The following ERC2 variants were observed in gnomAD, a reference collection of about 807,000 sequenced individuals.
ERC2 encodes ERC protein 2.
A neutral mutation model predicts 114.8 loss-of-function variants in ERC2; 42 were observed. That is an observed-to-expected ratio of 0.37 (90% CI 0.29 to 0.47). The LOEUF (loss-of-function observed/expected upper bound fraction) is 0.47, where lower values mean the gene tolerates loss of function less well. ERC2 is among the 20% of genes least tolerant of loss of function. The pLI is 0.99. For synonymous variants in ERC2, 454 were observed against 425.5 expected, an observed-to-expected ratio of 1.07 and a Z score of -0.82; for missense variants, 939 against 1,150.7, an observed-to-expected ratio of 0.82 and a Z score of 2.66.
At chr3:56,225,705 T>C (rs966564535) in intron 3 of ERC2, among the ~76,000 whole-genome samples, 1 of 152,196 alleles carries the variant, frequency 6.6e-6, no homozygotes, top group Non-Finnish European at 1.5e-5. Flanking sequence ...TTCTCCCTCA[T>C]TACAACAAGT....
intron 14 of ERC2, among the ~76,000 whole-genome samples, chr3:55,737,998 T>A (rs1300825698): frequency 6.6e-6 from 1 of 152,172 alleles, no homozygotes; most frequent in African/African-American, 2.4e-5. Flanking sequence ...AATGACTACA[T>A]GTATGTGTTC....
intron 15 of ERC2, among the ~76,000 whole-genome samples, chr3:55,714,665 G>GTATATATATA (rs2063987436): frequency 5.5e-5 from 2 of 36,676 alleles, no homozygotes; most frequent in Non-Finnish European, 1.1e-4. Flanking sequence ...GTGTGTGTGT[G>GTATATATATA]TGTATATATA....
At chr3:55,748,079 G>A (rs1488048274) in intron 14 of ERC2, among the ~76,000 whole-genome samples, 2 of 152,140 alleles carry the variant, frequency 1.3e-5, no homozygotes, top group Non-Finnish European at 2.9e-5. Context: ...GGAAAGAATC[G>A]CAAGGGAGCC....
At chr3:55,949,756 G>A (rs1448968447) in intron 13 of ERC2, among the ~76,000 whole-genome samples, 1 of 152,134 alleles carries the variant, frequency 6.6e-6, no homozygotes, top group Non-Finnish European at 1.5e-5. Flanking sequence ...CTGTTTAAAG[G>A]CACACTGGAA....
intron 12 of ERC2, among the ~76,000 whole-genome samples, chr3:55,977,390 GTA>G (rs2069680470): frequency 9.9e-6 from 1 of 101,082 alleles, no homozygotes; most frequent in African/African-American, 4.0e-5. Context: ...AAAGACAAAC[GTA>G]TCATTTTCCT....
chr3:56,250,974 A>C (rs1424517362), intron 3 of ERC2, among the ~76,000 whole-genome samples: 1 of 152,224 alleles, frequency 6.6e-6, no homozygotes, highest in African/African-American at 2.4e-5. Flanking sequence ...TCAAAAATTT[A>C]CTAGAACATG....
intron 14 of ERC2, among the ~76,000 whole-genome samples, chr3:55,784,125 A>T (rs967409558): frequency 7.2e-5 from 11 of 152,092 alleles, no homozygotes; most frequent in African/African-American, 2.7e-4. Context: ...CTCACAGTTT[A>T]CTTATGTAAA....
At chr3:56,354,046 A>G (rs2058653668) in intron 2 of ERC2, among the ~76,000 whole-genome samples, 2 of 152,194 alleles carry the variant, frequency 1.3e-5, no homozygotes, top group Non-Finnish European at 2.9e-5. Flanking sequence ...GCCTGACTCC[A>G]GAGCCCACAC....
intron 7 of ERC2, among the ~76,000 whole-genome samples, chr3:56,079,370 C>T (rs985837428): frequency 1.3e-5 from 2 of 152,090 alleles, no homozygotes; most frequent in Non-Finnish European, 2.9e-5. Flanking sequence ...ATGGGCAGCA[C>T]GGGTTCAGAA....
chr3:55,738,505 A>C (rs2148932582), intron 14 of ERC2, among the ~76,000 whole-genome samples: 1 of 152,236 alleles, frequency 6.6e-6, no homozygotes, highest in South Asian at 2.1e-4. Flanking sequence ...TCATTTTCCC[A>C]CCCAGGCTAT....
rs555378213 is a variant in ERC2 at position 55,590,070 on chromosome 3, T to C, written c.*40-78794A>G. 2.6e-5 allele frequency among the ~76,000 whole-genome samples: 4 copies of C among 152,302 alleles called. No individual in the cohort carries two copies. In the East Asian group the frequency reaches 7.7e-4, roughly 29 times the overall value. Reference sequence around the variant, plus strand: ...CTAATTATAAAAATAAGACAATACATTTTTTTGAAGGTGGCAACGTCACTC... The same window carrying C: ...CTAATTATAAAAATAAGACAATACACTTTTTTGAAGGTGGCAACGTCACTC... On this transcript the variant is annotated intron_variant, in intron 17 of 17. Transcript: ENST00000288221.
At chr3:56,286,701 T>C (rs1358196260) in intron 3 of ERC2, among the ~76,000 whole-genome samples, 1 of 152,116 alleles carries the variant, frequency 6.6e-6, no homozygotes. Flanking sequence ...ACTATATACG[T>C]ACTTACGTAA....
At chr3:56,407,854 G>C (rs969052100) in intron 2 of ERC2, among the ~76,000 whole-genome samples, 1 of 152,020 alleles carries the variant, frequency 6.6e-6, no homozygotes, top group Non-Finnish European at 1.5e-5. Context: ...CATACTGCCC[G>C]TCACTTCAGA....
intron 2 of ERC2, among the ~76,000 whole-genome samples, chr3:56,306,147 C>A (rs1399923840): frequency 2.0e-5 from 3 of 152,128 alleles, no homozygotes; most frequent in Non-Finnish European, 4.4e-5. Flanking sequence ...CGGCTCCCAG[C>A]CTTATATATT....
At chr3:55,805,614 T>A (rs1277088802) in intron 14 of ERC2, among the ~76,000 whole-genome samples, 1 of 151,876 alleles carries the variant, frequency 6.6e-6, no homozygotes, top group Non-Finnish European at 1.5e-5. Flanking sequence ...ATTGTGACAT[T>A]TGTCACAGGT....
chr3:55,709,930 G>C (rs938225213), intron 15 of ERC2, among the ~76,000 whole-genome samples: 1 of 152,166 alleles, frequency 6.6e-6, no homozygotes, highest in Admixed American at 6.5e-5. Flanking sequence ...CTGGTCTCAC[G>C]CTTGGGTGAG....
intron 17 of ERC2, among the ~76,000 whole-genome samples, chr3:55,680,110 G>C (rs2148766482): frequency 6.6e-6 from 1 of 152,270 alleles, no homozygotes; most frequent in Non-Finnish European, 1.5e-5. Context: ...TGAGCTGGTG[G>C]CAGACAGCTA....
chr3:55,812,768 G>A (rs1159978011), intron 14 of ERC2, among the ~76,000 whole-genome samples: 1 of 152,198 alleles, frequency 6.6e-6, no homozygotes, highest in Non-Finnish European at 1.5e-5. Context: ...TAGGAGAGGG[G>A]GAAACCCCAC....
intron 14 of ERC2, among the ~76,000 whole-genome samples, chr3:55,829,934 T>C (rs2149180273): frequency 6.6e-6 from 1 of 152,140 alleles, no homozygotes; most frequent in African/African-American, 2.4e-5. Flanking sequence ...AATTTGGTAA[T>C]AGACATAAAT....
Sources: allele counts gnomAD v4.1 joint callset (sites outside exome capture counted in the v4.1 genomes callset), GRCh38; gene constraint gnomAD v4.1.1; transcripts MANE v1.5; gene names NCBI Gene and HGNC (gene_info 2026-07-23, HGNC 2026-07-21).